The following ZNF407 variants were observed in gnomAD, a reference collection of about 807,000 sequenced individuals.
The protein encoded by ZNF407 is zinc finger protein 407.
In ZNF407, 17 loss-of-function variants were observed where a neutral mutation model predicts 131.2. The observed-to-expected ratio is 0.13, with a 90% confidence interval of 0.09 to 0.19. The LOEUF is 0.19. ZNF407 is among the 10% of genes least tolerant of loss of function. The probability of loss-of-function intolerance (pLI) is 1.00; values close to 1 mark genes in which losing one functional copy is unlikely to be tolerated. For missense variants in ZNF407, 2,681 were observed against 2,830.6 expected (o/e 0.95, Z 1.20); for synonymous variants, 1,156 against 1,062.0 (o/e 1.09, Z -1.72).
chr18:74,935,797 G>T (rs578259028), intron 8 of ZNF407, among the ~76,000 whole-genome samples: 2 of 152,128 alleles, frequency 1.3e-5, no homozygotes, highest in Non-Finnish European at 2.9e-5. Context: ...GAATTGTGCG[G>T]CACATACAGT....
At chr18:74,904,680 G>C (rs7231138) in intron 7 of ZNF407, among the ~76,000 whole-genome samples, 2 of 152,064 alleles carry the variant, frequency 1.3e-5, no homozygotes, top group Non-Finnish European at 2.9e-5. Context: ...AGTCGGTGCC[G>C]CTTCTTATTG....
At chr18:74,671,276 T>C (rs779894315) in intron 3 of ZNF407, among the ~76,000 whole-genome samples, 35 of 152,344 alleles carry the variant, frequency 2.3e-4, no homozygotes, top group Non-Finnish European at 4.3e-4. Flanking sequence ...GAATTTCTTT[T>C]CTTTTTAAGG....
At chr18:75,012,493 C>A (rs1021480382) in intron 8 of ZNF407, among the ~76,000 whole-genome samples, 1 of 152,102 alleles carries the variant, frequency 6.6e-6, no homozygotes, top group Non-Finnish European at 1.5e-5. Flanking sequence ...CAAATATTTT[C>A]TTTTCCAGTG....
chr18:74,928,274 A>G (rs896431813), intron 8 of ZNF407, among the ~76,000 whole-genome samples: 1 of 152,208 alleles, frequency 6.6e-6, no homozygotes, highest in Non-Finnish European at 1.5e-5. Context: ...CTGATTGGCA[A>G]TTGGTTAAGT....
At chr18:74,721,525 A>G (rs1192617231) in intron 3 of ZNF407, among the ~76,000 whole-genome samples, 2 of 152,234 alleles carry the variant, frequency 1.3e-5, no homozygotes, top group African/African-American at 4.8e-5. Flanking sequence ...TGTAGAATGT[A>G]TAAGTGAATT....
chr18:74,818,518 C>T (rs758917795), intron 4 of ZNF407, among the ~76,000 whole-genome samples: 1 of 152,164 alleles, frequency 6.6e-6, no homozygotes, highest in Admixed American at 6.5e-5. Context: ...AAAATGGCTA[C>T]TTGAAGATTT....
At chr18:74,785,702 T>C (rs1969690304) in intron 4 of ZNF407, among the ~76,000 whole-genome samples, 1 of 152,110 alleles carries the variant, frequency 6.6e-6, no homozygotes, top group African/African-American at 2.4e-5. Flanking sequence ...AACATGAAAA[T>C]ATCTGAAACA....
rs773683979 is a variant in ZNF407 at position 75,063,430 on chromosome 18, G to C, written c.5709G>C (p.Val1903=). The C allele has an allele frequency of 3.7e-6, 6 of 1,609,070 alleles. No homozygotes were observed. The highest frequency in any genetic ancestry group is 5.1e-6 in the Non-Finnish European group (6 of 1,178,458). Residue 1903 remains valine, a synonymous_variant, in exon 9 of 9, where the codon GTG becomes GTC. Coordinates refer to ENST00000299687, the MANE Select transcript of ZNF407 (RefSeq NM_017757.3). The surrounding 1 kb of genome is among the most constrained non-coding windows in gnomAD (Gnocchi z 6.6). ...LAMAGQVARV[V]HITEDGQVIA... is the part of the protein sequence containing the mutation. ...TGGCCGGCCAGGTGGCCCGGGTGGTGCATATCACGGAGGATGGCCAGGTCA... is the reference window on the plus strand; with the variant it reads ...TGGCCGGCCAGGTGGCCCGGGTGGTCCATATCACGGAGGATGGCCAGGTCA...
At chr18:74,919,705 G>A (rs1971820756) in intron 7 of ZNF407, among the ~76,000 whole-genome samples, 3 of 152,186 alleles carry the variant, frequency 2.0e-5, no homozygotes, top group South Asian at 4.1e-4. Context: ...ACAGCTCCGC[G>A]TGTGTATTCA....
intron 1 of ZNF407, among the ~76,000 whole-genome samples, chr18:74,611,562 C>T (rs1224476687): frequency 6.6e-6 from 1 of 152,014 alleles, no homozygotes; most frequent in East Asian, 1.9e-4. Context: ...GTTTCTTACA[C>T]ATTAGATTGG....
intron 8 of ZNF407, among the ~76,000 whole-genome samples, chr18:75,029,110 G>A (rs1361749868): frequency 2.0e-5 from 3 of 151,966 alleles, no homozygotes; most frequent in African/African-American, 4.8e-5. Context: ...CATAATATAG[G>A]GTTTCTTTTA....
chr18:75,029,945 A>G (rs1973220377), intron 8 of ZNF407, among the ~76,000 whole-genome samples: 1 of 152,346 alleles, frequency 6.6e-6, no homozygotes, highest in South Asian at 2.1e-4. Flanking sequence ...GTGATGACCA[A>G]TCATGAGCAT....
intron 8 of ZNF407, among the ~76,000 whole-genome samples, chr18:75,024,365 C>T (rs1854477509): frequency 6.6e-6 from 1 of 152,116 alleles, no homozygotes; most frequent in Non-Finnish European, 1.5e-5. Context: ...AATCACACCA[C>T]ACAGAAAATT....
chr18:75,023,879 T>C (rs1453462093), intron 8 of ZNF407, among the ~76,000 whole-genome samples: 1 of 152,230 alleles, frequency 6.6e-6, no homozygotes, highest in Non-Finnish European at 1.5e-5. Flanking sequence ...GTTCAGTTAT[T>C]TACCATTGTA....
chr18:74,852,211 GCGCA>G (rs1970798854), intron 4 of ZNF407, among the ~76,000 whole-genome samples: 5 of 150,754 alleles, frequency 3.3e-5, no homozygotes, highest in Non-Finnish European at 7.4e-5. Flanking sequence ...ACGCACGCAC[GCGCA>G]CGCGCGCGCG....
At chr18:74,661,479 G>T (rs1193822412) in intron 3 of ZNF407, among the ~76,000 whole-genome samples, 2 of 149,408 alleles carry the variant, frequency 1.3e-5, no homozygotes, top group South Asian at 2.1e-4. Context: ...TCATTACTTG[G>T]TTTTCATATT....
intron 1 of ZNF407, among the ~76,000 whole-genome samples, chr18:74,601,329 C>CTGTGTGTGTGTG (rs60358173): frequency 1.3e-4 from 19 of 144,862 alleles, no homozygotes; most frequent in South Asian, 2.3e-4. Context: ...GTGTGTATGT[C>CTGTGTGTGTGTG]TGTGTGTGTG....
intron 3 of ZNF407, among the ~76,000 whole-genome samples, chr18:74,710,839 C>T (rs1337413274): frequency 6.6e-6 from 1 of 152,182 alleles, no homozygotes; most frequent in Non-Finnish European, 1.5e-5. Flanking sequence ...TTTGTTCTCT[C>T]TATTTTAAGT....
intron 6 of ZNF407, among the ~76,000 whole-genome samples, chr18:74,884,626 G>T (rs1243296486): frequency 6.6e-6 from 1 of 152,068 alleles, no homozygotes; most frequent in Non-Finnish European, 1.5e-5. Context: ...AAATATGAAA[G>T]AACCATTTAT....
Sources: gnomAD v4.1 joint callset for allele counts (sites outside exome capture counted in the v4.1 genomes callset) on GRCh38, gnomAD v4.1.1 for gene constraint, Gnocchi (gnomAD v3.1) non-coding constraint, MANE v1.5 for transcripts, NCBI Gene and HGNC (gene_info 2026-07-23, HGNC 2026-07-21) for gene names.